The following CDH13 variants were observed in gnomAD, a reference collection of about 807,000 sequenced individuals.
The protein encoded by CDH13 is cadherin-13.
In CDH13, 24 loss-of-function variants were observed where a neutral mutation model predicts 63.8. That is an observed-to-expected ratio of 0.38 (90% CI 0.27 to 0.53). CDH13 has a LOEUF of 0.53. Ranked by LOEUF, CDH13 falls within the 20% of genes least tolerant of loss-of-function variation. CDH13 has a pLI of 0.85. For missense variants in CDH13, 1,049 were observed against 903.1 expected, an observed-to-expected ratio of 1.16 and a Z score of -2.07; for synonymous variants, 503 against 355.3, an observed-to-expected ratio of 1.42 and a Z score of -4.67.
At chr16:82,813,242 TA>T (rs57544277) in intron 1 of CDH13, among the ~76,000 whole-genome samples, 11,054 of 151,652 alleles carry the variant, frequency 0.073, 484 homozygotes, top group African/African-American at 0.1. Context: ...CTCTGGACAA[TA>T]AAAAAAATAA....
intron 6 of CDH13, among the ~76,000 whole-genome samples, chr16:83,453,193 C>A (rs1305472761): frequency 6.6e-6 from 1 of 151,994 alleles, no homozygotes; most frequent in African/African-American, 2.4e-5. Flanking sequence ...AAGGATTGTA[C>A]AATGGATTTT....
At chr16:83,510,742 G>A (rs1175494916) in intron 7 of CDH13, among the ~76,000 whole-genome samples, 1 of 152,194 alleles carries the variant, frequency 6.6e-6, no homozygotes, top group Non-Finnish European at 1.5e-5. Context: ...GCCAAAGGGG[G>A]TTTGGGTTTC....
At chr16:83,589,932 G>A (rs1374958563) in intron 7 of CDH13, among the ~76,000 whole-genome samples, 1 of 152,076 alleles carries the variant, frequency 6.6e-6, no homozygotes, top group Non-Finnish European at 1.5e-5. Flanking sequence ...TGTTTCCTGG[G>A]GCTTAGGAGG....
At chr16:83,186,390 G>A (rs550243137) in intron 4 of CDH13, among the ~76,000 whole-genome samples, 1 of 152,072 alleles carries the variant, frequency 6.6e-6, no homozygotes, top group South Asian at 2.1e-4. Context: ...ACCCGCCTCG[G>A]CCTCCCAAAG....
At chr16:83,169,883 T>C (rs988920844) in intron 4 of CDH13, among the ~76,000 whole-genome samples, 4 of 152,140 alleles carry the variant, frequency 2.6e-5, no homozygotes, top group African/African-American at 9.7e-5. Context: ...TGAATACATA[T>C]ATTTTTCTAA....
At chr16:82,922,749 G>C (rs28457841) in intron 2 of CDH13, among the ~76,000 whole-genome samples, 1 of 151,856 alleles carries the variant, frequency 6.6e-6, no homozygotes, top group Non-Finnish European at 1.5e-5. Flanking sequence ...GTCAAATCAT[G>C]TGCCCGAGAG....
At chr16:83,532,199 C>T (rs1404644263) in intron 7 of CDH13, among the ~76,000 whole-genome samples, 2 of 152,154 alleles carry the variant, frequency 1.3e-5, no homozygotes, top group Non-Finnish European at 2.9e-5. Flanking sequence ...CATTAAACCT[C>T]TTTCTTTTGC....
chr16:82,860,957 C>G (rs1210004643), intron 2 of CDH13, among the ~76,000 whole-genome samples: 2 of 152,130 alleles, frequency 1.3e-5, no homozygotes, highest in Admixed American at 1.3e-4. Context: ...TTGCGTATTT[C>G]TTATAATGCA....
At chr16:82,802,105 A>G (rs2036888390) in intron 1 of CDH13, among the ~76,000 whole-genome samples, 2 of 121,608 alleles carry the variant, frequency 1.6e-5, no homozygotes, top group East Asian at 2.3e-4. Context: ...TTATTTATCT[A>G]TCATCTCCCT....
chr16:83,324,217 A>T (rs1476864732), intron 5 of CDH13, among the ~76,000 whole-genome samples: 1 of 152,050 alleles, frequency 6.6e-6, no homozygotes, highest in Non-Finnish European at 1.5e-5. Flanking sequence ...TTGTGTTTTC[A>T]ATAGAGACAG....
chr16:82,761,465 G>C (rs1013859589), intron 1 of CDH13, among the ~76,000 whole-genome samples: 1 of 152,180 alleles, frequency 6.6e-6, no homozygotes, highest in African/African-American at 2.4e-5. Flanking sequence ...TTCAGAGTCA[G>C]TGCTGTCTAA....
chr16:83,497,341 A>G (rs531722124), intron 7 of CDH13, among the ~76,000 whole-genome samples: 2 of 152,200 alleles, frequency 1.3e-5, no homozygotes, highest in African/African-American at 4.8e-5. Context: ...ATAAAAAAGG[A>G]TGAGTTCATG....
intron 1 of CDH13, among the ~76,000 whole-genome samples, chr16:82,695,879 G>C (rs1329984283): frequency 6.6e-6 from 1 of 152,164 alleles, no homozygotes; most frequent in Non-Finnish European, 1.5e-5. Context: ...TAAACACAGA[G>C]TTAAATCAAC....
At chr16:83,500,036 C>T (rs1241524980) in intron 7 of CDH13, among the ~76,000 whole-genome samples, 2 of 151,974 alleles carry the variant, frequency 1.3e-5, no homozygotes, top group African/African-American at 2.4e-5. Context: ...CTCATGACTT[C>T]AGGCGATCCG....
intron 1 of CDH13, among the ~76,000 whole-genome samples, chr16:82,791,369 A>G (rs1397635625): frequency 1.3e-5 from 2 of 152,218 alleles, no homozygotes; most frequent in Non-Finnish European, 2.9e-5. Context: ...TAAAATACAA[A>G]TTAGGCTAAA....
At chr16:83,164,518 C>G (rs899455450) in intron 4 of CDH13, among the ~76,000 whole-genome samples, 5 of 151,958 alleles carry the variant, frequency 3.3e-5, no homozygotes, top group African/African-American at 1.2e-4. Flanking sequence ...GTCAGGGGTT[C>G]AAAACCAGCC....
chr16:83,245,186 C>G (rs1055878319), intron 5 of CDH13, among the ~76,000 whole-genome samples: 1 of 151,802 alleles, frequency 6.6e-6, no homozygotes, highest in African/African-American at 2.4e-5. Flanking sequence ...AAGCTGCTTT[C>G]TTTACCTCTG....
At chr16:83,049,857 C>A (rs540185855) in intron 3 of CDH13, among the ~76,000 whole-genome samples, 1 of 152,154 alleles carries the variant, frequency 6.6e-6, no homozygotes, top group African/African-American at 2.4e-5. Flanking sequence ...AATACAGTGA[C>A]AATAATGCCA....
intron 3 of CDH13, among the ~76,000 whole-genome samples, chr16:83,106,227 G>C (rs182749327): frequency 6.6e-6 from 1 of 152,220 alleles, no homozygotes; most frequent in Admixed American, 6.5e-5. Context: ...TTTATAGTAA[G>C]AAACAATTGG....
Sources: gnomAD v4.1 joint callset for allele counts (sites outside exome capture counted in the v4.1 genomes callset) on GRCh38, gnomAD v4.1.1 for gene constraint, MANE v1.5 for transcripts, NCBI Gene and HGNC (gene_info 2026-07-23, HGNC 2026-07-21) for gene names.